The following RSBN1L variants were observed in gnomAD, a reference collection of about 807,000 sequenced individuals.
RSBN1L encodes the protein lysine-specific demethylase RSBN1L.
A neutral mutation model predicts 67.7 loss-of-function variants in RSBN1L; 30 were observed. The observed-to-expected ratio is 0.44, with a 90% confidence interval of 0.33 to 0.60. The LOEUF is 0.60. Ranked by LOEUF, RSBN1L falls within the 20% of genes least tolerant of loss-of-function variation. The pLI is 0.02. For synonymous variants in RSBN1L, 433 were observed against 387.0 expected, an observed-to-expected ratio of 1.12 and a Z score of -1.39; for missense variants, 992 against 1,031.7, an observed-to-expected ratio of 0.96 and a Z score of 0.53.
intron 1 of RSBN1L, among the ~76,000 whole-genome samples, chr7:77,730,338 C>T (rs1791257684): frequency 1.3e-5 from 2 of 152,174 alleles, no homozygotes; most frequent in Admixed American, 6.6e-5. Context: ...ATAGCCTTCC[C>T]CATTATTAAC....
Position 77,696,521 on chromosome 7 carries a change from G to A in RSBN1L, c.52G>A (p.Ala18Thr), listed in dbSNP as rs372754186. 2.5e-6 allele frequency: 4 copies of A among 1,613,654 alleles called. No homozygotes were observed. The highest frequency in any genetic ancestry group is 1.1e-5 in the South Asian group (1 of 91,078). The change falls in exon 1 of 8, where the codon GCC (alanine) becomes ACC (threonine). Residue 18 changes from alanine to threonine, a missense_variant. Ala to Thr is a moderately conservative substitution (Grantham distance 58). Around this residue, in one of 7 missense-constraint regions of RSBN1L, gnomAD observed 575 missense variants for 483.2 expected, o/e 1.19. Coordinates refer to ENST00000334955, the MANE Select transcript of RSBN1L (RefSeq NM_198467.3). ...VHCVAAAAPT[A>T]TVSEKEPFGK... The stretch of plus-strand genomic sequence containing the variant: ...CTGTGTCGCTGCCGCGGCCCCCACC[G>A]CCACCGTCTCGGAGAAAGAACCGTT...
intron 3 of RSBN1L, among the ~76,000 whole-genome samples, chr7:77,750,802 C>A (rs1407672896): frequency 6.6e-6 from 1 of 152,004 alleles, no homozygotes; most frequent in Non-Finnish European, 1.5e-5. Context: ...GGACAACATT[C>A]TAGTTTGGAA....
At chr7:77,704,309 A>G (rs934704436) in intron 1 of RSBN1L, among the ~76,000 whole-genome samples, 2 of 152,248 alleles carry the variant, frequency 1.3e-5, no homozygotes, top group Non-Finnish European at 2.9e-5. Flanking sequence ...AATGAATTAA[A>G]CTTTTCAAGT....
intron 6 of RSBN1L, among the ~76,000 whole-genome samples, chr7:77,776,013 A>C (rs1035796547): frequency 1.3e-5 from 2 of 152,106 alleles, no homozygotes; most frequent in African/African-American, 4.8e-5. Flanking sequence ...CTTAGATGGC[A>C]CCACTGCACT....
intron 1 of RSBN1L, among the ~76,000 whole-genome samples, chr7:77,702,109 G>T (rs1166991835): frequency 2.0e-5 from 3 of 152,014 alleles, no homozygotes; most frequent in Non-Finnish European, 2.9e-5. Flanking sequence ...GGGACTACAG[G>T]CGCACACCAC....
intron 1 of RSBN1L, among the ~76,000 whole-genome samples, chr7:77,716,303 G>GTT (rs905365160): frequency 6.6e-6 from 1 of 151,362 alleles, no homozygotes; most frequent in Non-Finnish European, 1.5e-5. Flanking sequence ...CTTTTTCTTT[G>GTT]TTTTTTTTGT....
intron 3 of RSBN1L, among the ~76,000 whole-genome samples, chr7:77,750,724 G>A (rs1439697016): frequency 6.6e-6 from 1 of 152,130 alleles, no homozygotes; most frequent in Non-Finnish European, 1.5e-5. Context: ...TTAGTCTGGA[G>A]ATTGGCCAGT....
At chr7:77,773,809 T>A (rs1424720215) in intron 6 of RSBN1L, among the ~76,000 whole-genome samples, 17 of 152,142 alleles carry the variant, frequency 1.1e-4, no homozygotes, top group Non-Finnish European at 1.5e-5. Flanking sequence ...GGTTTCATCA[T>A]TTGGGTTAAC....
At chr7:77,753,859 GT>G (rs1181757597) in intron 3 of RSBN1L, among the ~76,000 whole-genome samples, 1 of 152,066 alleles carries the variant, frequency 6.6e-6, no homozygotes, top group Non-Finnish European at 1.5e-5. Context: ...CAGGGTTTAT[GT>G]TTTTCCATAT....
chr7:77,719,461 G>A (rs1791088273), intron 1 of RSBN1L, among the ~76,000 whole-genome samples: 1 of 152,154 alleles, frequency 6.6e-6, no homozygotes, highest in African/African-American at 2.4e-5. Flanking sequence ...ATTGTATAAT[G>A]TGGACTTAGA....
At position 77,749,462 on chromosome 7, in the gene RSBN1L, C is replaced by G. The variant is rs1791524868; in HGVS notation, c.742C>G (p.Gln248Glu). The G allele has an allele frequency of 1.3e-6, 2 of 1,576,030 alleles. No individual in the cohort carries two copies. The highest frequency in any genetic ancestry group is 1.7e-6 in the Non-Finnish European group (2 of 1,169,134). ...ACCAAAAACAAATATAGAAGACTTA[C>G]AAATTAAAAAGGTAAAGAAGAAAAA... Reference protein sequence around the residue: ...EKPKTNIEDLQIKKVKKKKKK... With the variant: ...EKPKTNIEDLEIKKVKKKKKK... Residue 248 changes from glutamine (Q) to glutamate (E), a missense_variant, in exon 3 of 8, where the codon CAA (glutamine) becomes GAA (glutamate). By Grantham distance (29) the Gln-to-Glu change is conservative. This residue lies in a region of RSBN1L where 575 missense variants were observed against 483.2 expected (regional missense o/e 1.19). Coordinates refer to ENST00000334955, the MANE Select transcript of RSBN1L (RefSeq NM_198467.3).
chr7:77,713,693 C>T (rs1167139713), intron 1 of RSBN1L, among the ~76,000 whole-genome samples: 3 of 150,980 alleles, frequency 2.0e-5, no homozygotes, highest in Admixed American at 1.3e-4. Flanking sequence ...AATAGAGACA[C>T]AGTCTTGCTG....
At position 77,780,910 on chromosome 7, in the gene RSBN1L, ACT is replaced by A. The variant is rs1458874841; in HGVS notation, c.*1745_*1746del. 2 of 151,742 alleles carry A rather than the reference ACT, an allele frequency of 1.3e-5. No homozygotes were observed. The highest frequency in any genetic ancestry group is 6.6e-5 in the Admixed American group (1 of 15,242). The allele number at this position is 151,742 out of a possible 1,614,324, so 9.4% of individuals were successfully genotyped here. ...TTTGATGTATGCGTTGCTGTAAGAA[ACT>A]CTGCTCATTGCAAATCTATTTTGTT... is the stretch of plus-strand genomic sequence containing the variant. On this transcript the variant is annotated 3_prime_UTR_variant, in exon 8 of 8. Coordinates refer to ENST00000334955, the MANE Select transcript of RSBN1L (RefSeq NM_198467.3).
At chr7:77,713,505 C>T (rs1018663928) in intron 1 of RSBN1L, among the ~76,000 whole-genome samples, 1 of 151,786 alleles carries the variant, frequency 6.6e-6, no homozygotes, top group East Asian at 1.9e-4. Context: ...TACAGGCGCC[C>T]GCCACCATGC....
intron 1 of RSBN1L, among the ~76,000 whole-genome samples, chr7:77,708,865 A>G (rs543042865): frequency 1.6e-4 from 25 of 152,350 alleles, no homozygotes; most frequent in African/African-American, 5.5e-4. Flanking sequence ...TACTGATAAA[A>G]TGATTGGTAT....
intron 3 of RSBN1L, among the ~76,000 whole-genome samples, chr7:77,753,760 A>ATAGT (rs112523470): frequency 1.3e-5 from 2 of 152,346 alleles, no homozygotes; most frequent in African/African-American, 4.8e-5. Context: ...GGTTAAATCT[A>ATAGT]TAGTTAATAA....
intron 1 of RSBN1L, among the ~76,000 whole-genome samples, chr7:77,704,440 A>G (rs1219205004): frequency 2.0e-5 from 3 of 152,208 alleles, no homozygotes; most frequent in Admixed American, 2.0e-4. Flanking sequence ...TTCTTGAATT[A>G]CAGATTGAAA....
intron 2 of RSBN1L, among the ~76,000 whole-genome samples, chr7:77,738,170 T>TCAAA (rs1233739640): frequency 6.6e-6 from 1 of 152,204 alleles, no homozygotes; most frequent in Non-Finnish European, 1.5e-5. Flanking sequence ...TGAGAAGGAA[T>TCAAA]CTGTTTTAGA....
chr7:77,744,577 C>T (rs922873060), intron 2 of RSBN1L, among the ~76,000 whole-genome samples: 14 of 151,460 alleles, frequency 9.2e-5, no homozygotes, highest in Admixed American at 1.3e-4. Flanking sequence ...CCACCACGCC[C>T]GGCTAATTTT....
Sources: gnomAD v4.1 joint callset for allele counts (sites outside exome capture counted in the v4.1 genomes callset) on GRCh38, gnomAD v4.1.1 for gene constraint, gnomAD v4.1.1 regional missense constraint, MANE v1.5 for transcripts, NCBI Gene and HGNC (gene_info 2026-07-23, HGNC 2026-07-21) for gene names.